PACRG: variants seen among roughly 807,000 people sequenced by gnomAD.
PACRG encodes parkin coregulated gene protein.
Under a neutral mutation model 29.7 loss-of-function variants are expected in PACRG, and 29 were observed. That is an observed-to-expected ratio of 0.98 (90% CI 0.73 to 1.33). PACRG has a LOEUF of 1.33. Among genes scored for constraint, PACRG ranks in the 40% most tolerant of loss-of-function variants. The pLI, the probability that PACRG is intolerant of heterozygous loss-of-function variation, is 0.00. For synonymous variants in PACRG, 116 were observed against 118.7 expected (o/e 0.98, Z 0.15); for missense variants, 279 against 316.2 (o/e 0.88, Z 0.89).
intron 3 of PACRG, among the ~76,000 whole-genome samples, chr6:163,080,844 TTATA>T (rs1019061979): frequency 7.2e-5 from 11 of 152,308 alleles, no homozygotes; most frequent in Admixed American, 7.2e-4. Context: ...ATTTTACATA[TTATA>T]TATGTGTTGA....
chr6:162,995,897 A>G (rs759768680), intron 2 of PACRG, among the ~76,000 whole-genome samples: 19 of 152,222 alleles, frequency 1.2e-4, no homozygotes, highest in Non-Finnish European at 2.2e-4. Flanking sequence ...CACAATGAAC[A>G]TGGGAGGATA....
chr6:162,885,879 T>C (rs1030509931), intron 2 of PACRG, among the ~76,000 whole-genome samples: 2 of 152,218 alleles, frequency 1.3e-5, no homozygotes, highest in African/African-American at 4.8e-5. Flanking sequence ...TAGAGTGCAT[T>C]TCCTAAAACC....
chr6:162,746,776 G>A (rs780585018), intron 1 of PACRG, among the ~76,000 whole-genome samples: 2 of 152,118 alleles, frequency 1.3e-5, no homozygotes, highest in Non-Finnish European at 2.9e-5. Context: ...AAGTGATTCC[G>A]CTCAGAATGT....
intron 4 of PACRG, among the ~76,000 whole-genome samples, chr6:163,260,663 G>T (rs1321467881): frequency 6.6e-6 from 1 of 152,150 alleles, no homozygotes; most frequent in East Asian, 1.9e-4. Context: ...AATACTGCTG[G>T]GATGGCTGAG....
chr6:162,926,630 C>G (rs1341158846), intron 2 of PACRG, among the ~76,000 whole-genome samples: 2 of 152,164 alleles, frequency 1.3e-5, no homozygotes, highest in South Asian at 2.1e-4. Context: ...GGGTCCCTTC[C>G]TTACACATTA....
intron 2 of PACRG, among the ~76,000 whole-genome samples, chr6:162,821,219 G>A (rs1472594969): frequency 3.9e-5 from 6 of 152,200 alleles, no homozygotes; most frequent in Non-Finnish European, 5.9e-5. Flanking sequence ...TAGCAGAGCT[G>A]CTTGTAGCAA....
At position 162,731,394 on chromosome 6, in the gene PACRG, CT is replaced by C. The variant is rs545896238; in HGVS notation, c.156+3013del. On this transcript the variant is annotated intron_variant, in intron 1 of 4. Coordinates refer to ENST00000366888, the MANE Select transcript of PACRG (RefSeq NM_001080379.2). ...TTTATCTGTATTGAACATGTACAGACTTTTTTTTTTGAGTCATTATTCCCTA... is the reference window on the plus strand; with the variant it reads ...TTTATCTGTATTGAACATGTACAGACTTTTTTTTTGAGTCATTATTCCCTA... Among the ~76,000 whole-genome samples, 205 of 148,982 alleles carry C rather than the reference CT, an allele frequency of 1.4e-3. 1 individual carries two copies. The highest frequency in any genetic ancestry group is 3.4e-3 in the Middle Eastern group (1 of 290).
chr6:162,820,440 T>C (rs1305032766), intron 2 of PACRG, among the ~76,000 whole-genome samples: 4 of 152,170 alleles, frequency 2.6e-5, no homozygotes, highest in Non-Finnish European at 5.9e-5. Context: ...ATTATAAAAA[T>C]ATGCACACAT....
intron 4 of PACRG, among the ~76,000 whole-genome samples, chr6:163,137,367 T>A (rs1300035995): frequency 1.3e-5 from 2 of 152,080 alleles, no homozygotes; most frequent in Non-Finnish European, 2.9e-5. Flanking sequence ...CTGCCCTGCT[T>A]TATTGTTCGC....
chr6:163,114,738 A>G (rs1265598770), intron 4 of PACRG, among the ~76,000 whole-genome samples: 1 of 152,064 alleles, frequency 6.6e-6, no homozygotes, highest in African/African-American at 2.4e-5. Flanking sequence ...AAAAGGTACA[A>G]AATTTCAGTT....
At chr6:162,852,001 G>GGAAGGAAGGAAGGAAGGA (rs1554291923) in intron 2 of PACRG, among the ~76,000 whole-genome samples, 89 of 100,048 alleles carry the variant, frequency 8.9e-4, no homozygotes, top group African/African-American at 3.1e-3. Flanking sequence ...GGGAGGGAGG[G>GGAAGGAAGGAAGGAAGGA]AGGGAGGAAG....
intron 2 of PACRG, among the ~76,000 whole-genome samples, chr6:163,045,443 G>GCCTCA (rs1809234749): frequency 6.6e-6 from 1 of 152,092 alleles, no homozygotes; most frequent in African/African-American, 2.4e-5. Context: ...TTCTGCCTCA[G>GCCTCA]GCTCCCAAGT....
At chr6:163,119,308 G>T (rs1419309616) in intron 4 of PACRG, among the ~76,000 whole-genome samples, 5 of 152,220 alleles carry the variant, frequency 3.3e-5, no homozygotes, top group African/African-American at 1.2e-4. Context: ...TCTCGTCTGT[G>T]AAACTTGGGT....
intron 4 of PACRG, among the ~76,000 whole-genome samples, chr6:163,186,682 G>A (rs190397951): frequency 2.5e-3 from 388 of 152,288 alleles, no homozygotes; most frequent in Non-Finnish European, 4.1e-3. Context: ...CACTCCTGCC[G>A]GACCAGGCGC....
At position 162,872,215 on chromosome 6, in the gene PACRG, GT is replaced by G. The variant is rs1434279730; in HGVS notation, c.291+57936del. Among the ~76,000 whole-genome samples, 3 of 30,062 alleles carry G rather than the reference GT, an allele frequency of 1.0e-4. No individual in the cohort carries two copies. The East Asian group carries it at 2.9e-3, about 29-fold the overall frequency. 19.7% of individuals were successfully genotyped at this position (30,062 alleles called of 152,430 possible). On this transcript the variant is annotated intron_variant, in intron 2 of 4. Coordinates refer to ENST00000366888, the MANE Select transcript of PACRG (RefSeq NM_001080379.2). ...GGGCTTCTAACTCCAGATGCCCTAA[GT>G]TCTCTATGAGAGCTCAGTGCTCAGT... is the stretch of plus-strand genomic sequence containing the variant.
chr6:163,239,839 C>CAA (rs1782403206), intron 4 of PACRG, among the ~76,000 whole-genome samples: 1 of 96,768 alleles, frequency 1.0e-5, no homozygotes, highest in Non-Finnish European at 2.1e-5. Context: ...CACACACTCA[C>CAA]ATACACACAC....
At chr6:163,039,139 A>G (rs2128235606) in intron 2 of PACRG, among the ~76,000 whole-genome samples, 1 of 152,152 alleles carries the variant, frequency 6.6e-6, no homozygotes, top group South Asian at 2.1e-4. Context: ...ACGAGATTTG[A>G]TGGTTTATTG....
intron 1 of PACRG, among the ~76,000 whole-genome samples, chr6:162,809,771 T>C (rs778051102): frequency 6.6e-6 from 1 of 152,194 alleles, no homozygotes; most frequent in African/African-American, 2.4e-5. Context: ...ACTATGTGAC[T>C]TCTAGAAAAA....
rs781619961 is a variant in PACRG at position 163,269,750 on chromosome 6, A to AAGAGAGAG, written c.614-45069_614-45062dup. On this transcript the variant is annotated intron_variant, in intron 4 of 4. Transcript: ENST00000366888. ...AATACCACTGAGGGGGAAAAGAAGA[A>AAGAGAGAG]AGAGAGAGAGAGAGACAGACAGACA... 7.5e-4 allele frequency among the ~76,000 whole-genome samples: 62 copies of AAGAGAGAG among 82,432 alleles called. 6 individuals are homozygous for AAGAGAGAG. The highest frequency in any genetic ancestry group is 1.7e-3 in the Admixed American group (13 of 7,612). 54.1% of individuals were successfully genotyped at this position (82,432 alleles called of 152,430 possible). A position where few individuals can be genotyped will look rare whatever the true frequency, so the allele number is the denominator to read the frequency against.
Sources: allele counts gnomAD v4.1 joint callset (sites outside exome capture counted in the v4.1 genomes callset), GRCh38; gene constraint gnomAD v4.1.1; transcripts MANE v1.5; gene names NCBI Gene and HGNC (gene_info 2026-07-23, HGNC 2026-07-21).